The following SUMF1 variants were observed in gnomAD, a reference collection of about 807,000 sequenced individuals.
The protein encoded by SUMF1 is formylglycine-generating enzyme.
In SUMF1, 48 loss-of-function variants were observed where a neutral mutation model predicts 47.6. That is an observed-to-expected ratio of 1.01 (90% CI 0.80 to 1.28). The LOEUF is 1.28. Among genes scored for constraint, SUMF1 ranks in the 50% most tolerant of loss-of-function variants. The pLI is 0.00. For missense variants in SUMF1, 571 were observed against 485.4 expected (o/e 1.18, Z -1.66); for synonymous variants, 230 against 192.1 (o/e 1.20, Z -1.63).
chr3:4,452,972 C>A lies in SUMF1; in HGVS notation c.348G>T (p.Ala116=). 1 of 1,614,152 alleles carries A rather than the reference C, an allele frequency of 6.2e-7. No homozygotes were observed. The highest frequency in any genetic ancestry group is 8.5e-7 in the Non-Finnish European group (1 of 1,180,040). Residue 116 remains alanine (A), a synonymous_variant, in exon 2 of 9, where the codon GCG becomes GCT. Coordinates refer to ENST00000272902, the MANE Select transcript of SUMF1 (RefSeq NM_182760.4). The part of the protein sequence containing the change: ...PQIKQDGEAP[A]RRVTIDAFYM... ...AAAAGGCATCAATAGTAACTCTCCT[C>A]GCAGGTGCTTCCCCATCCTGCTTTA...
chr3:4,242,997 T>C (rs1161204107), intron 8 of SUMF1, among the ~76,000 whole-genome samples: 2 of 152,138 alleles, frequency 1.3e-5, no homozygotes, highest in East Asian at 1.9e-4. Flanking sequence ...CCTTGTTTAG[T>C]CTTGGGAGGG....
intron 8 of SUMF1, among the ~76,000 whole-genome samples, chr3:4,216,028 T>G (rs1695915781): frequency 6.6e-6 from 1 of 152,168 alleles, no homozygotes; most frequent in Admixed American, 6.5e-5. Context: ...TTCACAGAAT[T>G]GGAAAAAACT....
intron 8 of SUMF1, among the ~76,000 whole-genome samples, chr3:4,337,744 A>G (rs1445623866): frequency 6.6e-6 from 1 of 152,236 alleles, no homozygotes; most frequent in Non-Finnish European, 1.5e-5. Flanking sequence ...ACATAATTGC[A>G]TCTCTTCAAT....
intron 8 of SUMF1, among the ~76,000 whole-genome samples, chr3:4,306,275 G>A (rs993547633): frequency 7.2e-5 from 11 of 151,952 alleles, no homozygotes; most frequent in Non-Finnish European, 1.2e-4. Flanking sequence ...CACTTTAAGC[G>A]TTAAATTATT....
At chr3:4,214,484 G>T (rs547526707) in intron 8 of SUMF1, among the ~76,000 whole-genome samples, 3 of 151,878 alleles carry the variant, frequency 2.0e-5, no homozygotes, top group Non-Finnish European at 2.9e-5. Context: ...CCCTAACATC[G>T]CAATGAAAAG....
In SUMF1 at chr3:4,339,170, C is replaced by T. The variant is rs376475948; in HGVS notation, c.1014+37160G>A. Among the ~76,000 whole-genome samples the T allele has an allele frequency of 3.3e-5, 5 of 152,334 alleles. No homozygotes were observed. The South Asian group carries it at 8.3e-4, about 25-fold the overall frequency. On this transcript the variant is annotated intron_variant and NMD_transcript_variant, in intron 8 of 12. Transcript: ENST00000448413. ...CTAATGGGCCTTAGGCTATGTTTCA[C>T]TCATGCTGCTTTCCTCTCTTGGGAC...
At chr3:4,097,482 G>A (rs964898259) in intron 8 of SUMF1, among the ~76,000 whole-genome samples, 2 of 152,082 alleles carry the variant, frequency 1.3e-5, no homozygotes, top group Non-Finnish European at 2.9e-5. Context: ...GAACCTGGGA[G>A]GCGGAGGTTG....
chr3:4,110,196 C>A (rs1281679360), intron 8 of SUMF1, among the ~76,000 whole-genome samples: 1 of 152,110 alleles, frequency 6.6e-6, no homozygotes, highest in Non-Finnish European at 1.5e-5. Context: ...CCACTCCAGA[C>A]CCTGTTTGCC....
At chr3:4,430,103 G>T (rs1702187765) in intron 3 of SUMF1, among the ~76,000 whole-genome samples, 1 of 152,176 alleles carries the variant, frequency 6.6e-6, no homozygotes, top group South Asian at 2.1e-4. Context: ...ACCCACGGCT[G>T]CAGGGTTACA....
chr3:4,154,885 T>C (rs1376094746), intron 8 of SUMF1, among the ~76,000 whole-genome samples: 2 of 151,402 alleles, frequency 1.3e-5, no homozygotes, highest in African/African-American at 4.9e-5. Context: ...TGACTGCAAC[T>C]TGAAGTAAGA....
intron 3 of SUMF1, among the ~76,000 whole-genome samples, chr3:4,421,636 T>A (rs1446326078): frequency 6.6e-6 from 1 of 152,058 alleles, no homozygotes; most frequent in Non-Finnish European, 1.5e-5. Context: ...TGCGCCACAA[T>A]GCCCAGCTAA....
At chr3:4,317,259 G>C in intron 8 of SUMF1, 1 of 1,506,316 alleles carries the variant, frequency 6.6e-7, no homozygotes, top group Middle Eastern at 1.7e-4. Flanking sequence ...AAAATGCGTT[G>C]AGCCTAGTTA....
At chr3:4,363,766 T>C (rs1161860260) in intron 8 of SUMF1, among the ~76,000 whole-genome samples, 4 of 118,166 alleles carry the variant, frequency 3.4e-5, no homozygotes, top group African/African-American at 9.6e-5. Context: ...CTATGTTGAA[T>C]AGGAGTGGTG....
chr3:4,359,799 C>T (rs1366223626), downstream of SUMF1, among the ~76,000 whole-genome samples: 1 of 152,094 alleles, frequency 6.6e-6, no homozygotes, highest in East Asian at 1.9e-4. Context: ...ATGGGAACTA[C>T]AATTCAAGAT....
chr3:4,272,206 T>C (rs1478447217), intron 8 of SUMF1, among the ~76,000 whole-genome samples: 1 of 152,230 alleles, frequency 6.6e-6, no homozygotes, highest in Non-Finnish European at 1.5e-5. Context: ...GTTTTCAAGG[T>C]TGGTTTCCTG....
At chr3:4,250,447 T>C (rs1696775724) in intron 8 of SUMF1, among the ~76,000 whole-genome samples, 1 of 152,040 alleles carries the variant, frequency 6.6e-6, no homozygotes, top group Admixed American at 6.6e-5. Flanking sequence ...CAAGAGCGGA[T>C]GGAGAAGCTG....
chr3:4,361,731 T>A lies in SUMF1; in HGVS notation c.*413A>T. ...TGATACCCTTTTTAGAACTGGTGAG[T>A]TGGAGAGACACCCAGAGGTCATGCT... On this transcript the variant is annotated 3_prime_UTR_variant, in exon 9 of 9. Transcript: ENST00000272902. 4.6e-6 allele frequency: 1 copy of A among 219,442 alleles called. No individual in the cohort carries two copies. The highest frequency in any genetic ancestry group is 8.1e-5 in the South Asian group (1 of 12,320). The allele number at this position is 219,442 out of a possible 1,614,324, so 13.6% of individuals were successfully genotyped here.
chr3:4,179,897 A>T (rs1433822681), intron 8 of SUMF1, among the ~76,000 whole-genome samples: 1 of 152,228 alleles, frequency 6.6e-6, no homozygotes, highest in Non-Finnish European at 1.5e-5. Flanking sequence ...ATGAACACAC[A>T]CTTCTCAAAA....
At chr3:4,189,105 G>C (rs1446084690) in intron 8 of SUMF1, among the ~76,000 whole-genome samples, 2 of 152,094 alleles carry the variant, frequency 1.3e-5, no homozygotes, top group Non-Finnish European at 2.9e-5. Flanking sequence ...ATATAATCTA[G>C]TTGCTTGTAC....
Sources: gnomAD v4.1 joint callset for allele counts (sites outside exome capture counted in the v4.1 genomes callset) on GRCh38, gnomAD v4.1.1 for gene constraint, MANE v1.5 for transcripts, NCBI Gene and HGNC (gene_info 2026-07-23, HGNC 2026-07-21) for gene names.